Variants in PTPRS observed in about 807,000 individuals in gnomAD.
The protein encoded by PTPRS is receptor-type tyrosine-protein phosphatase S.
PTPRS carries 63 observed loss-of-function variants against 215.3 expected under a neutral mutation model. The observed-to-expected ratio is 0.29, with a 90% CI of 0.24 to 0.36. The LOEUF (loss-of-function observed/expected upper bound fraction) is 0.36. Among genes scored for constraint, PTPRS ranks in the 10% least tolerant of loss-of-function variants. The pLI is 1.00. For missense variants in PTPRS, 2,258 were observed against 2,825.8 expected (o/e 0.80, Z 4.56); for synonymous variants, 1,404 against 1,191.4 (o/e 1.18, Z -3.68).
At chr19:5,254,218 GGGTT>G (rs2045376173) in intron 9 of PTPRS, among the ~76,000 whole-genome samples, 1 of 152,198 alleles carries the variant, frequency 6.6e-6, no homozygotes, top group East Asian at 1.9e-4. Flanking sequence ...CTCGCATGCT[GGGTT>G]AATAAGCAAA....
At chr19:5,239,131 A>G (rs1298642597) in intron 12 of PTPRS, 68 bp from the exon 13 acceptor site, 25 of 918,072 alleles carry the variant, frequency 2.7e-5, no homozygotes, top group East Asian at 3.8e-5. Flanking sequence ...AACAAAGGGG[A>G]GAGAGAGAGA....
chr19:5,213,510 CT>C (rs2041123366), intron 30 of PTPRS, among the ~76,000 whole-genome samples: 2 of 152,220 alleles, frequency 1.3e-5, no homozygotes, highest in Non-Finnish European at 2.9e-5. Context: ...GACATGTAAG[CT>C]TTCTTGACAT....
In PTPRS at chr19:5,237,405, G is replaced by A. The variant is rs1035777456; in HGVS notation, c.1849+1514C>T. Reference sequence around the variant, plus strand: ...TCTCCCCAACTCCCTGTCCTGGGCCGCCCCGGAGGTTCGCGTGGCTGGGCC... The same window carrying A: ...TCTCCCCAACTCCCTGTCCTGGGCCACCCCGGAGGTTCGCGTGGCTGGGCC... On this transcript the variant is annotated intron_variant, in intron 13 of 37. Transcript: ENST00000262963. The surrounding 1 kb of genome is among the most constrained non-coding windows in gnomAD (Gnocchi z 4.2). 7.2e-5 allele frequency among the ~76,000 whole-genome samples: 11 copies of A among 152,238 alleles called. No individual in the cohort carries two copies. Among genetic ancestry groups the A allele is most frequent in the African/African-American group, 1.2e-4 (5 of 41,460 alleles).
rs574413290 is a variant in PTPRS at position 5,293,753 on chromosome 19, G to A, written c.-94-7519C>T. Among the ~76,000 whole-genome samples the A allele has an allele frequency of 2.8e-4, 42 of 152,286 alleles. No individual in the cohort carries two copies. The highest frequency in any genetic ancestry group is 3.4e-3 in the Middle Eastern group (1 of 294). On this transcript the variant is annotated intron_variant, in intron 1 of 37. Transcript: ENST00000262963. The surrounding 1 kb of genome is among the most constrained non-coding windows in gnomAD (Gnocchi z 8.4). ...CCCTCTTAGACCAGAGGGTAGGGGA[G>A]AGGTGCGGGCGCAGAGGCTTCCCTC... is the stretch of plus-strand genomic sequence containing the variant.
chr19:5,231,854 G>A (rs2145682472), intron 13 of PTPRS, among the ~76,000 whole-genome samples: 1 of 152,324 alleles, frequency 6.6e-6, no homozygotes, highest in South Asian at 2.1e-4. Context: ...AGAACCCTGT[G>A]CTCACCAGGC....
At position 5,211,667 on chromosome 19, in the gene PTPRS, G is replaced by C; in HGVS notation, c.5157C>G (p.Ser1719Arg). Residue 1719 changes from serine to arginine, a missense_variant, in exon 33 of 38, where the codon AGC becomes AGG. Ser to Arg is a moderately radical substitution (Grantham distance 110). This residue lies in a region of PTPRS where 927 missense variants were observed against 1,125.9 expected (regional missense o/e 0.82). Transcript: ENST00000262963. ...GGATGGGTTGCAGACAGACCCGTGTGCTCTCATAGGGCATGATGTTCACCA... is the reference window on the plus strand; with the variant it reads ...GGATGGGTTGCAGACAGACCCGTGTCCTCTCATAGGGCATGATGTTCACCA... The part of the protein sequence containing the change: ...NRLVNIMPYE[S>R]TRVCLQPIRG... 1 of 1,614,134 alleles carries C rather than the reference G, an allele frequency of 6.2e-7. No homozygotes were observed. The highest frequency in any genetic ancestry group is 8.5e-7 in the Non-Finnish European group (1 of 1,180,006).
intron 4 of PTPRS, among the ~76,000 whole-genome samples, chr19:5,271,250 A>T (rs2046881553): frequency 6.6e-6 from 1 of 152,194 alleles, no homozygotes; most frequent in South Asian, 2.1e-4. Context: ...GCATCTTACT[A>T]AACCAGAATC....
intron 11 of PTPRS, 51 bp downstream of exon 11, chr19:5,243,850 G>T: frequency 7.1e-7 from 1 of 1,399,002 alleles, no homozygotes. Context: ...AGCATGCAAA[G>T]AACCAAGCCG....
At chr19:5,250,806 T>G in intron 9 of PTPRS, among the ~76,000 whole-genome samples, 4 of 145,662 alleles carry the variant, frequency 2.7e-5, no homozygotes, top group South Asian at 2.2e-4. Context: ...AAAAAGGGGG[T>G]TGGGAGTGGG....
chr19:5,280,392 C>G lies in PTPRS; in HGVS notation c.91+5658G>C, dbSNP rs7255073. 4.0e-3 allele frequency among the ~76,000 whole-genome samples: 613 copies of G among 152,280 alleles called. 6 individuals are homozygous for G. The highest frequency in any genetic ancestry group is 0.014 in the African/African-American group (601 of 41,568). On this transcript the variant is annotated intron_variant, in intron 2 of 37. Coordinates refer to ENST00000262963, the MANE Select transcript of PTPRS (RefSeq NM_002850.4). ...AAGGCTCTGCTCCTGTTGATATGAC[C>G]GTATGTGTGTGCTTTGAGCATCTGT...
chr19:5,285,710 C>T (rs2048292869), intron 2 of PTPRS, among the ~76,000 whole-genome samples: 2 of 152,224 alleles, frequency 1.3e-5, no homozygotes, highest in African/African-American at 4.8e-5. Context: ...GGTAACAGAA[C>T]TGGCACACTG....
intron 4 of PTPRS, 142 bp from the exon 5 acceptor site, chr19:5,265,338 A>G (rs1400867431): frequency 1.4e-6 from 1 of 709,740 alleles, no homozygotes; most frequent in Admixed American, 2.9e-5. Context: ...CATCCTTTAC[A>G]GCCAGTTCTC....
intron 37 of PTPRS, 49 bp downstream of exon 37, chr19:5,207,873 C>T (rs1435403339): frequency 3.1e-6 from 5 of 1,598,640 alleles, no homozygotes; most frequent in African/African-American, 1.3e-5. Flanking sequence ...AGCTTAGGGG[C>T]AGTCGGGGCG....
In PTPRS at chr19:5,257,512, CT is replaced by C; in HGVS notation, c.706+504del. ...GTGGGAGGGGCAGCCTCGAAGACCCCTCCTCAACTTCTAGATTGAGGGCCCT... is the reference window on the plus strand; with the variant it reads ...GTGGGAGGGGCAGCCTCGAAGACCCCCCTCAACTTCTAGATTGAGGGCCCT... On this transcript the variant is annotated intron_variant, in intron 8 of 37. Transcript: ENST00000262963. This position sits in a 1 kb window ranked among gnomAD's most constrained non-coding sequence, Gnocchi z 4.4. 2.2e-6 allele frequency: 1 copy of C among 453,998 alleles called. No homozygotes were observed. The highest frequency in any genetic ancestry group is 4.4e-6 in the Non-Finnish European group (1 of 226,132). The allele number at this position is 453,998 out of a possible 1,614,324, so 28.1% of individuals were successfully genotyped here.
intron 4 of PTPRS, among the ~76,000 whole-genome samples, chr19:5,267,302 G>C (rs2046476793): frequency 6.6e-6 from 1 of 152,092 alleles, no homozygotes; most frequent in Admixed American, 6.6e-5. Flanking sequence ...ACATGCTTCT[G>C]GGCTGAGGTG....
At chr19:5,269,007 T>C (rs2046671600) in intron 4 of PTPRS, among the ~76,000 whole-genome samples, 1 of 152,168 alleles carries the variant, frequency 6.6e-6, no homozygotes, top group South Asian at 2.1e-4. Flanking sequence ...TGGCTACTGA[T>C]GACATCATCG....
intron 1 of PTPRS, among the ~76,000 whole-genome samples, chr19:5,340,176 C>T (rs1180769970): frequency 6.6e-6 from 1 of 151,196 alleles, no homozygotes; most frequent in African/African-American, 2.4e-5. Flanking sequence ...TCCGGGGCGC[C>T]CGCATGCCCC....
chr19:5,336,270 G>C (rs1315707909), intron 1 of PTPRS, among the ~76,000 whole-genome samples: 2 of 136,820 alleles, frequency 1.5e-5, no homozygotes, highest in African/African-American at 5.2e-5. Flanking sequence ...AAAAGGGGGG[G>C]GGGCGGGGGG....
intron 1 of PTPRS, among the ~76,000 whole-genome samples, chr19:5,321,445 G>A (rs1417562723): frequency 6.6e-6 from 1 of 152,230 alleles, no homozygotes; most frequent in Non-Finnish European, 1.5e-5. Flanking sequence ...CAAGGGGGAA[G>A]CGATTTCCTG....
Sources: gnomAD v4.1 joint callset for allele counts (sites outside exome capture counted in the v4.1 genomes callset) on GRCh38, gnomAD v4.1.1 for gene constraint, gnomAD v4.1.1 regional missense constraint, Gnocchi (gnomAD v3.1) non-coding constraint, MANE v1.5 for transcripts, NCBI Gene and HGNC (gene_info 2026-07-23, HGNC 2026-07-21) for gene names.